Variants in PRKAG2 observed in about 807,000 individuals in gnomAD.
PRKAG2 encodes the protein 5'-AMP-activated protein kinase subunit gamma-2.
PRKAG2 carries 26 observed loss-of-function variants against 69.6 expected under a neutral mutation model. The observed-to-expected ratio is 0.37, with a 90% CI of 0.27 to 0.52. The LOEUF is 0.52. PRKAG2 is among the 20% of genes least tolerant of loss of function. The pLI, the probability that PRKAG2 is intolerant of heterozygous loss-of-function variation, is 0.90. For synonymous variants in PRKAG2, 293 were observed against 285.0 expected (o/e 1.03, Z -0.28); for missense variants, 557 against 740.0 (o/e 0.75, Z 2.87).
At position 151,632,111 on chromosome 7, in the gene PRKAG2, C is replaced by T. The variant is rs200736454; in HGVS notation, c.712G>A (p.Ala238Thr). The change falls in exon 5 of 16, where the codon GCG becomes ACG. Residue 238 changes from alanine to threonine, a missense_variant. Ala to Thr is a moderately conservative substitution (Grantham distance 58, BLOSUM62 0). This residue lies in a region of PRKAG2 where 352 missense variants were observed against 356.7 expected (regional missense o/e 0.99). Transcript: ENST00000287878. This position sits in a 1 kb window ranked among gnomAD's most constrained non-coding sequence, Gnocchi z 4.2. ...AGCTTCTCCAGCATGCCGGCTTCCG[C>T]GGGTCCCAGGGCCGCCGCCAGCGCC... ...AAALAAALGP[A>T]EAGMLEKLEF... The T allele has an allele frequency of 1.0e-4, 142 of 1,414,470 alleles. No individual in the cohort carries two copies. In the African/African-American group the frequency reaches 1.9e-3, roughly 19 times the overall value. The allele number at this position is 1,414,470 out of a possible 1,614,324, so 87.6% of individuals were successfully genotyped here.
chr7:151,560,038 C>T, intron 15 of PRKAG2: 1 of 985,346 alleles, frequency 1.0e-6, no homozygotes, highest in Non-Finnish European at 1.2e-6. Context: ...TAACCACACT[C>T]TATCTGAAAG....
Position 151,556,941 on chromosome 7 carries a change from G to T in PRKAG2, c.*260C>A. ...GAAATGAAAAATAATGAAAACTTCA[G>T]GACACAGTGCACTTTAATGACATAC... On this transcript the variant is annotated 3_prime_UTR_variant, in exon 16 of 16. Coordinates refer to ENST00000287878, the MANE Select transcript of PRKAG2 (RefSeq NM_016203.4). 1 of 525,620 alleles carries T rather than the reference G, an allele frequency of 1.9e-6. No individual in the cohort carries two copies. The highest frequency in any genetic ancestry group is 3.6e-5 in the East Asian group (1 of 27,614). The allele number at this position is 525,620 out of a possible 1,614,324, so 32.6% of individuals were successfully genotyped here.
intron 3 of PRKAG2, among the ~76,000 whole-genome samples, chr7:151,695,019 C>T (rs1314694991): frequency 3.9e-5 from 6 of 152,206 alleles, no homozygotes; most frequent in Non-Finnish European, 7.4e-5. Flanking sequence ...GGAGGGAGCC[C>T]GGGACAACGC....
At chr7:151,677,332 A>G (rs943679499) in intron 3 of PRKAG2, among the ~76,000 whole-genome samples, 2 of 152,048 alleles carry the variant, frequency 1.3e-5, no homozygotes, top group African/African-American at 4.8e-5. Flanking sequence ...GATTACAGGC[A>G]CCTGCCACCA....
chr7:151,674,761 C>CTTTTTTT (rs5888446), intron 4 of PRKAG2, among the ~76,000 whole-genome samples: 1 of 148,136 alleles, frequency 6.8e-6, no homozygotes, highest in Non-Finnish European at 1.5e-5. Context: ...TTCTGTTTTA[C>CTTTTTTT]TTTTTTTTTT....
At chr7:151,663,220 G>T (rs1231287550) in intron 4 of PRKAG2, among the ~76,000 whole-genome samples, 5 of 152,142 alleles carry the variant, frequency 3.3e-5, no homozygotes, top group South Asian at 2.1e-4. Flanking sequence ...AGGTTAAGGG[G>T]AAGAACAAAG....
At chr7:151,572,436 T>C (rs1409426665) in intron 9 of PRKAG2, 4 of 374,840 alleles carry the variant, frequency 1.1e-5, no homozygotes, top group Non-Finnish European at 1.9e-5. Context: ...GGATAAGGCC[T>C]TGCCTGCTGA....
chr7:151,849,535 G>C (rs533195458), intron 1 of PRKAG2, among the ~76,000 whole-genome samples: 1 of 152,282 alleles, frequency 6.6e-6, no homozygotes, highest in East Asian at 1.9e-4. Flanking sequence ...ACACACACGG[G>C]GTCTTAGAAC....
chr7:151,799,477 G>A (rs533233939), intron 1 of PRKAG2, among the ~76,000 whole-genome samples: 106 of 152,256 alleles, frequency 7.0e-4, no homozygotes, highest in Non-Finnish European at 1.4e-3. Context: ...TGGGTTCTGC[G>A]GGCACCTTTG....
intron 4 of PRKAG2, among the ~76,000 whole-genome samples, chr7:151,662,859 C>T (rs2151433788): frequency 6.6e-6 from 1 of 152,268 alleles, no homozygotes; most frequent in Admixed American, 6.5e-5. Flanking sequence ...TGATCACACT[C>T]CAGCATGAGT....
chr7:151,816,574 C>G (rs1169868914), intron 1 of PRKAG2, among the ~76,000 whole-genome samples: 1 of 152,180 alleles, frequency 6.6e-6, no homozygotes, highest in Non-Finnish European at 1.5e-5. Context: ...TAAGCATCAT[C>G]CTGGGATGTG....
chr7:151,873,658 C>A (rs1394963871), intron 1 of PRKAG2, among the ~76,000 whole-genome samples: 1 of 152,160 alleles, frequency 6.6e-6, no homozygotes, highest in Non-Finnish European at 1.5e-5. Flanking sequence ...CTGGCTCATG[C>A]CAAGAACGTT....
chr7:151,831,429 A>C (rs2079023457), intron 1 of PRKAG2, among the ~76,000 whole-genome samples: 1 of 152,164 alleles, frequency 6.6e-6, no homozygotes, highest in African/African-American at 2.4e-5. Flanking sequence ...ATGGTACAAC[A>C]TGGACGAACC....
At chr7:151,749,990 G>T (rs756753342) in intron 3 of PRKAG2, among the ~76,000 whole-genome samples, 2 of 151,630 alleles carry the variant, frequency 1.3e-5, no homozygotes, top group Non-Finnish European at 2.9e-5. Context: ...CCAGCTACTC[G>T]GGAGGCTGAG....
chr7:151,700,864 C>A (rs1299220450), intron 3 of PRKAG2, among the ~76,000 whole-genome samples: 2 of 152,252 alleles, frequency 1.3e-5, no homozygotes, highest in East Asian at 3.8e-4. Context: ...GCTTGGCCTG[C>A]CCGTTTAGAG....
chr7:151,658,027 G>A (rs200531871), intron 4 of PRKAG2, among the ~76,000 whole-genome samples: 5 of 151,696 alleles, frequency 3.3e-5, no homozygotes, highest in African/African-American at 7.3e-5. Context: ...GCATGGTGGC[G>A]CACGCATGTA....
rs1262370183 is a variant in PRKAG2, at chr7:151,658,690, C to T, written c.684+16730G>A. 2.0e-5 allele frequency among the ~76,000 whole-genome samples: 3 copies of T among 152,238 alleles called. No homozygotes were observed. The East Asian group carries it at 5.8e-4, about 29-fold the overall frequency. On this transcript the variant is annotated intron_variant, in intron 4 of 15. Coordinates refer to ENST00000287878, the MANE Select transcript of PRKAG2 (RefSeq NM_016203.4). ...AGTACAAAAATAGGCTTATCCCAAG[C>T]ACATTAATGAAGAACATGTTATAAG...
intron 1 of PRKAG2, among the ~76,000 whole-genome samples, chr7:151,837,045 G>A (rs147382217): frequency 2.2e-3 from 333 of 152,200 alleles, no homozygotes; most frequent in African/African-American, 7.6e-3. Flanking sequence ...TGGGCGCTGC[G>A]AGGAAAACAA....
At chr7:151,617,931 T>C (rs967006823) in intron 5 of PRKAG2, among the ~76,000 whole-genome samples, 10 of 152,336 alleles carry the variant, frequency 6.6e-5, no homozygotes, top group Admixed American at 6.5e-4. Context: ...TTATATAGTG[T>C]TTTCTCTTTT....
Sources: allele counts gnomAD v4.1 joint callset (sites outside exome capture counted in the v4.1 genomes callset), GRCh38; gene constraint gnomAD v4.1.1; regional missense constraint gnomAD v4.1.1; non-coding constraint Gnocchi (gnomAD v3.1); transcripts MANE v1.5; gene names NCBI Gene and HGNC (gene_info 2026-07-23, HGNC 2026-07-21).